Variants in CDK14 observed in about 807,000 individuals in gnomAD.
CDK14 encodes cyclin-dependent kinase 14.
Under a neutral mutation model 60.7 loss-of-function variants are expected in CDK14, and 34 were observed. That is an observed-to-expected ratio of 0.56 (90% CI 0.43 to 0.75). CDK14 has a LOEUF of 0.75. Among genes scored for constraint, CDK14 ranks in the 30% least tolerant of loss-of-function variants. The pLI is 0.00. For missense variants in CDK14, 482 were observed against 564.1 expected, an observed-to-expected ratio of 0.85 and a Z score of 1.47; for synonymous variants, 197 against 203.7, an observed-to-expected ratio of 0.97 and a Z score of 0.28.
chr7:90,991,307 G>C (rs1795526154), intron 10 of CDK14, among the ~76,000 whole-genome samples: 1 of 152,100 alleles, frequency 6.6e-6, no homozygotes, highest in African/African-American at 2.4e-5. Flanking sequence ...TCACCCAAAA[G>C]AGACAATCTT....
chr7:91,084,368 GT>G (rs1317048662), intron 12 of CDK14, among the ~76,000 whole-genome samples: 1 of 152,194 alleles, frequency 6.6e-6, no homozygotes, highest in Non-Finnish European at 1.5e-5. Flanking sequence ...GGAAAACAGT[GT>G]TTGCAGCTGG....
intron 2 of CDK14, among the ~76,000 whole-genome samples, chr7:90,658,899 G>A (rs989235065): frequency 2.0e-5 from 3 of 152,062 alleles, no homozygotes; most frequent in Non-Finnish European, 1.5e-5. Context: ...TGATAAATGC[G>A]ATTGGTTCTT....
At chr7:90,840,492 T>C (rs1790253843) in intron 5 of CDK14, among the ~76,000 whole-genome samples, 1 of 152,200 alleles carries the variant, frequency 6.6e-6, no homozygotes, top group East Asian at 1.9e-4. Context: ...TTTGATGTAT[T>C]AAGATTTAGG....
At chr7:90,776,103 G>A (rs1181405094) in intron 4 of CDK14, among the ~76,000 whole-genome samples, 3 of 152,098 alleles carry the variant, frequency 2.0e-5, no homozygotes, top group Non-Finnish European at 2.9e-5. Context: ...AAGAGTATGT[G>A]TAAACAACTA....
chr7:91,159,000 G>GA (rs1263402746), intron 14 of CDK14, among the ~76,000 whole-genome samples: 5 of 152,264 alleles, frequency 3.3e-5, no homozygotes, highest in Admixed American at 6.5e-5. Context: ...GTTGCTGATA[G>GA]AAAAAATGTC....
rs61187542 is a variant in CDK14, at chr7:90,930,529, C to CTTTT, written c.826+12826_826+12829dup. Among the ~76,000 whole-genome samples, 647 of 81,326 alleles carry CTTTT rather than the reference C, an allele frequency of 8.0e-3. 48 individuals carry two copies. The highest frequency in any genetic ancestry group is 0.034 in the African/African-American group (589 of 17,250). The allele number at this position is 81,326 out of a possible 152,430, so 53.4% of individuals were successfully genotyped here. A position where few individuals can be genotyped will look rare whatever the true frequency, so the allele number is the denominator to read the frequency against. On this transcript the variant is annotated intron_variant, in intron 8 of 14. Transcript: ENST00000380050. ...GTGCAGTGTTATAGCACAGGCTAAG[C>CTTTT]TTTTTTTTTTTTTTTTTTTTTTTTG...
chr7:91,044,030 A>C (rs1314294662), intron 10 of CDK14, among the ~76,000 whole-genome samples: 1 of 152,208 alleles, frequency 6.6e-6, no homozygotes, highest in Non-Finnish European at 1.5e-5. Flanking sequence ...GTTGACAAAG[A>C]GTCAAACTCT....
intron 5 of CDK14, among the ~76,000 whole-genome samples, chr7:90,815,303 A>T (rs1789303186): frequency 6.6e-6 from 1 of 152,216 alleles, no homozygotes; most frequent in Non-Finnish European, 1.5e-5. Flanking sequence ...CCATATCAAC[A>T]AACATATGAA....
At chr7:90,863,670 ATGTGTGTGTG>A (rs111580477) in intron 6 of CDK14, among the ~76,000 whole-genome samples, 2 of 145,878 alleles carry the variant, frequency 1.4e-5, no homozygotes, top group African/African-American at 2.5e-5. Flanking sequence ...TTATTAAGAT[ATGTGTGTGTG>A]TGTGTGTGTG....
intron 2 of CDK14, among the ~76,000 whole-genome samples, chr7:90,717,553 A>AT (rs1489799972): frequency 6.6e-6 from 1 of 152,130 alleles, no homozygotes; most frequent in Non-Finnish European, 1.5e-5. Context: ...ATTGGGTCAG[A>AT]TGCCAAAGAA....
chr7:90,788,555 G>A (rs192319957), intron 4 of CDK14, among the ~76,000 whole-genome samples: 7 of 152,322 alleles, frequency 4.6e-5, no homozygotes, highest in Non-Finnish European at 1.0e-4. Flanking sequence ...ACCTTGAGGA[G>A]ATGGTACGTT....
chr7:90,656,850 A>C (rs1216918618), intron 2 of CDK14, among the ~76,000 whole-genome samples: 1 of 152,136 alleles, frequency 6.6e-6, no homozygotes, highest in East Asian at 1.9e-4. Flanking sequence ...ATAAACATGA[A>C]GTTTTTTTAG....
intron 11 of CDK14, among the ~76,000 whole-genome samples, chr7:91,059,092 G>A (rs1252953099): frequency 1.3e-5 from 2 of 152,192 alleles, no homozygotes; most frequent in East Asian, 1.9e-4. Context: ...GCCTGTTATT[G>A]GTCTATTCAG....
At chr7:91,126,601 A>G (rs1445103786) in intron 14 of CDK14, among the ~76,000 whole-genome samples, 1 of 152,188 alleles carries the variant, frequency 6.6e-6, no homozygotes, top group African/African-American at 2.4e-5. Flanking sequence ...TCTCTACGTA[A>G]GATGGGATAT....
chr7:90,869,309 G>A (rs1441429884), intron 6 of CDK14, among the ~76,000 whole-genome samples: 1 of 152,216 alleles, frequency 6.6e-6, no homozygotes, highest in Non-Finnish European at 1.5e-5. Flanking sequence ...AAATCTGAAG[G>A]AGATGAAAGA....
chr7:91,150,591 A>G (rs1800803938), intron 14 of CDK14, among the ~76,000 whole-genome samples: 1 of 152,254 alleles, frequency 6.6e-6, no homozygotes, highest in South Asian at 2.1e-4. Flanking sequence ...TATTTAGTAT[A>G]TAATCATTTT....
At chr7:91,186,876 A>T (rs538327949) in intron 14 of CDK14, among the ~76,000 whole-genome samples, 1 of 152,324 alleles carries the variant, frequency 6.6e-6, no homozygotes, top group East Asian at 1.9e-4. Context: ...AGTCAGTTAT[A>T]CCTTTTAAGA....
chr7:91,120,347 G>T (rs976672676), intron 14 of CDK14, among the ~76,000 whole-genome samples: 2 of 152,104 alleles, frequency 1.3e-5, no homozygotes, highest in African/African-American at 4.8e-5. Flanking sequence ...TTTTTTAAAA[G>T]GTGCTCAGAA....
chr7:90,879,693 C>T (rs527547407), intron 6 of CDK14, among the ~76,000 whole-genome samples: 14 of 151,826 alleles, frequency 9.2e-5, no homozygotes, highest in Non-Finnish European at 1.3e-4. Flanking sequence ...TGTATACCTA[C>T]GTAACAAACC....
Sources: allele counts gnomAD v4.1 joint callset (sites outside exome capture counted in the v4.1 genomes callset), GRCh38; gene constraint gnomAD v4.1.1; transcripts MANE v1.5; gene names NCBI Gene and HGNC (gene_info 2026-07-23, HGNC 2026-07-21).